HGH1: variants seen among roughly 807,000 people sequenced by gnomAD.
HGH1 encodes the protein HGH1 cochaperone.
HGH1 carries 31 observed loss-of-function variants against 31.7 expected under a neutral mutation model. The observed-to-expected ratio is 0.98, with a 90% confidence interval of 0.73 to 1.32. The LOEUF (loss-of-function observed/expected upper bound fraction) is 1.32, where lower values mean the gene tolerates loss of function less well. HGH1 is among the 40% of genes most tolerant of loss of function. The probability of loss-of-function intolerance (pLI) is 0.00; values close to 1 mark genes in which losing one functional copy is unlikely to be tolerated. For synonymous variants in HGH1, 284 were observed against 293.6 expected, an observed-to-expected ratio of 0.97 and a Z score of 0.34; for missense variants, 618 against 594.4, an observed-to-expected ratio of 1.04 and a Z score of -0.41.
chr8:144,138,870 GGA>G, intron 3 of HGH1, 57 bp downstream of exon 3: 1 of 1,607,866 alleles, frequency 6.2e-7, no homozygotes, highest in Non-Finnish European at 8.5e-7. Context: ...GCCAGTGGAG[GGA>G]GAGAGAGGTG....
chr8:144,140,678 G>C lies in HGH1; in HGVS notation c.*1126G>C, dbSNP rs1417091128. 1 of 152,440 alleles carries C rather than the reference G, an allele frequency of 6.6e-6. No homozygotes were observed. The highest frequency in any genetic ancestry group is 1.5e-5 in the Non-Finnish European group (1 of 68,286). The allele number at this position is 152,440 out of a possible 1,614,324, so 9.4% of individuals were successfully genotyped here. A position where few individuals can be genotyped will look rare whatever the true frequency, so the allele number is the denominator to read the frequency against. ...GGTGCCGGGCGTCTCCCGCCTCCAGGATCTCCTCTCACCTGCCCCCATTAA... is the reference window on the plus strand; with the variant it reads ...GGTGCCGGGCGTCTCCCGCCTCCAGCATCTCCTCTCACCTGCCCCCATTAA... On this transcript the variant is annotated 3_prime_UTR_variant, in exon 6 of 6. Coordinates refer to ENST00000347708, the MANE Select transcript of HGH1 (RefSeq NM_016458.4).
At position 144,138,740 on chromosome 8, in the gene HGH1, T is replaced by C. The variant is rs146450411; in HGVS notation, c.720T>C (p.Pro240=). The change falls in exon 3 of 6, where the codon CCT becomes CCC. Residue 240 remains proline, a synonymous_variant. Coordinates refer to ENST00000347708, the MANE Select transcript of HGH1 (RefSeq NM_016458.4). The part of the protein sequence containing the change: ...EHRHHEWLLG[P]EVDILPFLLL... ...GACATCACGAGTGGTTGCTTGGACC[T>C]GAGGTGGACATTCTCCCCTTTTTGC... 3.1e-6 allele frequency: 5 copies of C among 1,613,920 alleles called. No individual in the cohort carries two copies. Among genetic ancestry groups the C allele is most frequent in the Non-Finnish European group, 4.2e-6 (5 of 1,179,858 alleles).
chr8:144,138,753 C>G lies in HGH1; in HGVS notation c.733C>G (p.Leu245Val). 2.5e-6 allele frequency: 4 copies of G among 1,613,966 alleles called. No homozygotes were observed. Among genetic ancestry groups the G allele is most frequent in the Middle Eastern group, 3.3e-4 (2 of 6,056 alleles). The part of the protein sequence containing the change: ...EWLLGPEVDI[L>V]PFLLLPLAGP... ...GTTGCTTGGACCTGAGGTGGACATTCTCCCCTTTTTGCTCCTGCCCTTGGC... is the reference window on the plus strand; with the variant it reads ...GTTGCTTGGACCTGAGGTGGACATTGTCCCCTTTTTGCTCCTGCCCTTGGC... Residue 245 changes from leucine to valine, a missense_variant, in exon 3 of 6, where the codon CTC becomes GTC. Transcript: ENST00000347708.
rs1451296125 is a variant in HGH1 at position 144,138,619 on chromosome 8, G to T, written c.694+12G>T. 6.2e-7 allele frequency: 1 copy of T among 1,609,830 alleles called. No homozygotes were observed. The highest frequency in any genetic ancestry group is 8.5e-7 in the Non-Finnish European group (1 of 1,178,034). The stretch of plus-strand genomic sequence containing the variant: ...CTGCTTCGAGCACCGTGAGTGGTGG[G>T]TGTGGCGGGGGTGCGTTGCCAGGTG... On this transcript the variant is annotated intron_variant, in intron 2 of 5. Transcript: ENST00000347708.
chr8:144,139,250 G>T lies in HGH1; in HGVS notation c.947G>T (p.Arg316Leu). Residue 316 changes from arginine (R) to leucine (L), a missense_variant, in exon 5 of 6, where the codon CGA becomes CTA. Physicochemically the swap from Arg to Leu is moderately radical, Grantham distance 102. Transcript: ENST00000347708. The part of the protein sequence containing the change: ...VRDQGAYLIL[R>L]ELHSWEPEPD... ...GACCAGGGAGCCTACCTGATCCTTC[G>T]AGAGCTGCACAGCTGGGAGCCGGAG... The T allele has an allele frequency of 6.2e-7, 1 of 1,613,928 alleles. No homozygotes were observed. Among genetic ancestry groups the T allele is most frequent in the Non-Finnish European group, 8.5e-7 (1 of 1,179,856 alleles).
Position 144,137,777 on chromosome 8 carries a change from C to T in HGH1, c.-59C>T. ...CTGGTGGGCGGGGTTGCGGGCCACACAGCGGACCCCTAAGCGGACCGCTGG... is the reference window on the plus strand; with the variant it reads ...CTGGTGGGCGGGGTTGCGGGCCACATAGCGGACCCCTAAGCGGACCGCTGG... On this transcript the variant is annotated 5_prime_UTR_variant, in exon 1 of 6. Coordinates refer to ENST00000347708, the MANE Select transcript of HGH1 (RefSeq NM_016458.4). The T allele has an allele frequency of 8.4e-7, 1 of 1,191,204 alleles. No homozygotes were observed. Among genetic ancestry groups the T allele is most frequent in the Non-Finnish European group, 1.1e-6 (1 of 948,966 alleles). The allele number at this position is 1,191,204 out of a possible 1,614,324, so 73.8% of individuals were successfully genotyped here. A position where few individuals can be genotyped will look rare whatever the true frequency, so the allele number is the denominator to read the frequency against.
chr8:144,137,811 G>A lies in HGH1; in HGVS notation c.-25G>A. Reference sequence around the variant, plus strand: ...CCTAAGCGGACCGCTGGCACCGGTCGGGTGGCAGCAGAGTGTCGCTCGACA... The same window carrying A: ...CCTAAGCGGACCGCTGGCACCGGTCAGGTGGCAGCAGAGTGTCGCTCGACA... On this transcript the variant is annotated 5_prime_UTR_variant, in exon 1 of 6. Transcript: ENST00000347708. The A allele has an allele frequency of 8.1e-7, 1 of 1,240,876 alleles. No individual in the cohort carries two copies. The highest frequency in any genetic ancestry group is 3.4e-5 in the South Asian group (1 of 29,012). The allele number at this position is 1,240,876 out of a possible 1,614,324, so 76.9% of individuals were successfully genotyped here.
Position 144,138,240 on chromosome 8 carries a change from G to T in HGH1, c.405G>T (p.Pro135=). 2 of 1,389,166 alleles carry T rather than the reference G, an allele frequency of 1.4e-6. No homozygotes were observed. Among genetic ancestry groups the T allele is most frequent in the Non-Finnish European group, 1.8e-6 (2 of 1,081,794 alleles). 86.1% of individuals were successfully genotyped at this position (1,389,166 alleles called of 1,614,324 possible). The change falls in exon 1 of 6, where the codon CCG becomes CCT. Residue 135 remains proline (P), a synonymous_variant. Coordinates refer to ENST00000347708, the MANE Select transcript of HGH1 (RefSeq NM_016458.4). ...AAALANLSRE[P]APCAALMAAL... is the part of the protein sequence containing the mutation. ...CGCTAGCCAACCTCAGTCGCGAGCC[G>T]GCGCCGTGTGCAGCGCTCATGGCGG...
Position 144,138,402 on chromosome 8 carries a change from G to T in HGH1, c.567G>T (p.Ala189=). Reference sequence around the variant, plus strand: ...CCAACCTCAGCCAACGCCCTGCGGCGCGGGCCTTCCTACTGGACCCCGACA... The same window carrying T: ...CCAACCTCAGCCAACGCCCTGCGGCTCGGGCCTTCCTACTGGACCCCGACA... ...LLSNLSQRPA[A]RAFLLDPDRC... Residue 189 remains alanine (A), a synonymous_variant, in exon 1 of 6, where the codon GCG becomes GCT. Coordinates refer to ENST00000347708, the MANE Select transcript of HGH1 (RefSeq NM_016458.4). 3.1e-6 allele frequency: 5 copies of T among 1,587,790 alleles called. No homozygotes were observed. Among genetic ancestry groups the T allele is most frequent in the East Asian group, 2.3e-5 (1 of 44,354 alleles).
chr8:144,138,566 G>T lies in HGH1; in HGVS notation c.653G>T (p.Gly218Val). ...TACCCCGACTCCTCTGTACGCAGGG[G>T]CGGGGTGGTGGGGACGCTGCGGAAT... ...TQYPDSSVRR[G>V]GVVGTLRNCC... Residue 218 changes from glycine (G) to valine (V), a missense_variant, in exon 2 of 6, where the codon GGC becomes GTC. Physicochemically the swap from Gly to Val is moderately radical, Grantham distance 109 (BLOSUM62 -3). Transcript: ENST00000347708. The T allele has an allele frequency of 6.2e-7, 1 of 1,612,876 alleles. No individual in the cohort carries two copies.
In HGH1 at chr8:144,139,727, T is replaced by G; in HGVS notation, c.*175T>G. 1 of 896,642 alleles carries G rather than the reference T, an allele frequency of 1.1e-6. No individual in the cohort carries two copies. 55.5% of individuals were successfully genotyped at this position (896,642 alleles called of 1,614,324 possible). A position where few individuals can be genotyped will look rare whatever the true frequency, so the allele number is the denominator to read the frequency against. Reference sequence around the variant, plus strand: ...GGATTGGAGGCACTTTCCAGCCCTGTGCAGTGTTGCTACCAGCAAGAATGA... The same window carrying G: ...GGATTGGAGGCACTTTCCAGCCCTGGGCAGTGTTGCTACCAGCAAGAATGA... On this transcript the variant is annotated 3_prime_UTR_variant, in exon 6 of 6. Transcript: ENST00000347708.
rs370965060 is a variant in HGH1, at chr8:144,138,744, G to A, written c.724G>A (p.Val242Met). ...TCACGAGTGGTTGCTTGGACCTGAG[G>A]TGGACATTCTCCCCTTTTTGCTCCT... ...RHHEWLLGPEVDILPFLLLPL... is the reference protein window; with the variant it reads ...RHHEWLLGPEMDILPFLLLPL... The change falls in exon 3 of 6, where the codon GTG becomes ATG. Residue 242 changes from valine to methionine, a missense_variant. Val to Met is a conservative substitution (Grantham distance 21). Transcript: ENST00000347708. The A allele has an allele frequency of 1.6e-5, 26 of 1,613,956 alleles. No homozygotes were observed. The highest frequency in any genetic ancestry group is 2.0e-5 in the Non-Finnish European group (24 of 1,179,868).
Position 144,139,560 on chromosome 8 carries a change from G to T in HGH1, c.*8G>T. The T allele has an allele frequency of 6.4e-7, 1 of 1,550,608 alleles. No individual in the cohort carries two copies. The highest frequency in any genetic ancestry group is 8.7e-7 in the Non-Finnish European group (1 of 1,147,362). ...AGGGCCACACCCACCTGAGGCCCCT[G>T]CAGCCGGACACCAGCTCCAGGGTCC... On this transcript the variant is annotated 3_prime_UTR_variant, in exon 6 of 6. Coordinates refer to ENST00000347708, the MANE Select transcript of HGH1 (RefSeq NM_016458.4).
chr8:144,137,984 G>A lies in HGH1; in HGVS notation c.149G>A (p.Gly50Asp). 2 of 1,329,612 alleles carry A rather than the reference G, an allele frequency of 1.5e-6. No individual in the cohort carries two copies. Among genetic ancestry groups the A allele is most frequent in the South Asian group, 2.0e-5 (1 of 51,194 alleles). The allele number at this position is 1,329,612 out of a possible 1,614,324, so 82.4% of individuals were successfully genotyped here. ...GTGCGGCACGTGCTGGCGCTGACTGGCTGCGGACCCGGCCGCGCGCTGTTG... is the reference window on the plus strand; with the variant it reads ...GTGCGGCACGTGCTGGCGCTGACTGACTGCGGACCCGGCCGCGCGCTGTTG... ...AAVRHVLALT[G>D]CGPGRALLAG... The change falls in exon 1 of 6, where the codon GGC (glycine) becomes GAC (aspartate). Residue 50 changes from glycine to aspartate, a missense_variant. By Grantham distance (94) the Gly-to-Asp change is moderately conservative (BLOSUM62 -1). Transcript: ENST00000347708.
chr8:144,138,877 G>C (rs1815141699), intron 3 of HGH1, 64 bp downstream of exon 3: 18 of 1,606,692 alleles, frequency 1.1e-5, no homozygotes, highest in East Asian at 4.5e-5. Context: ...GAGGGAGAGA[G>C]AGGTGTCCAG....
At chr8:144,138,953 G>T in intron 3 of HGH1, 56 bp from the exon 4 acceptor site, 12 of 1,603,364 alleles carry the variant, frequency 7.5e-6, no homozygotes, top group Non-Finnish European at 1.0e-5. Flanking sequence ...CACAGGCAGA[G>T]CCTGGCTCAG....
chr8:144,139,142 C>G (rs1320570628), intron 4 of HGH1, 42 bp downstream of exon 4: 1 of 1,613,914 alleles, frequency 6.2e-7, no homozygotes, highest in Non-Finnish European at 8.5e-7. Flanking sequence ...CCCCAACACA[C>G]ACACATGAGC....
chr8:144,138,580 A>G lies in HGH1; in HGVS notation c.667A>G (p.Thr223Ala). ...TGTACGCAGGGGCGGGGTGGTGGGG[A>G]CGCTGCGGAATTGCTGCTTCGAGCA... Reference protein sequence around the residue: ...SSVRRGGVVGTLRNCCFEHRH... With the variant: ...SSVRRGGVVGALRNCCFEHRH... The change falls in exon 2 of 6, where the codon ACG (threonine) becomes GCG (alanine). Residue 223 changes from threonine to alanine, a missense_variant. Coordinates refer to ENST00000347708, the MANE Select transcript of HGH1 (RefSeq NM_016458.4). 6.2e-7 allele frequency: 1 copy of G among 1,612,800 alleles called. No homozygotes were observed. The highest frequency in any genetic ancestry group is 8.5e-7 in the Non-Finnish European group (1 of 1,179,558).
In HGH1 at chr8:144,138,084, C is replaced by T; in HGVS notation, c.249C>T (p.Arg83=). ...CTGCCCCGGCCCGGGACGCCGCCCG[C>T]GCGCTCGTGAACTTGGCCGCCGACC... The part of the protein sequence containing the change: ...PASAPARDAA[R]ALVNLAADPG... Residue 83 remains arginine, a synonymous_variant, in exon 1 of 6, where the codon CGC becomes CGT. Transcript: ENST00000347708. 7.6e-7 allele frequency: 1 copy of T among 1,323,502 alleles called. No homozygotes were observed. Among genetic ancestry groups the T allele is most frequent in the South Asian group, 1.7e-5 (1 of 58,178 alleles). 82.0% of individuals were successfully genotyped at this position (1,323,502 alleles called of 1,614,324 possible). A position where few individuals can be genotyped will look rare whatever the true frequency, so the allele number is the denominator to read the frequency against.
Sources: gnomAD v4.1 joint callset for allele counts on GRCh38, gnomAD v4.1.1 for gene constraint, MANE v1.5 for transcripts, NCBI Gene and HGNC (gene_info 2026-07-23, HGNC 2026-07-21) for gene names.